Variants in SEC22A observed in about 807,000 individuals in gnomAD.
SEC22A encodes the protein vesicle-trafficking protein SEC22a.
Under a neutral mutation model 35.3 loss-of-function variants are expected in SEC22A, and 22 were observed. The observed-to-expected ratio is 0.62, with a 90% CI of 0.45 to 0.89. The LOEUF is 0.89. Among genes scored for constraint, SEC22A ranks in the 40% least tolerant of loss-of-function variants. The pLI, the probability that SEC22A is intolerant of heterozygous loss-of-function variation, is 0.00. For missense variants in SEC22A, 354 were observed against 362.5 expected, an observed-to-expected ratio of 0.98 and a Z score of 0.19; for synonymous variants, 119 against 129.5, an observed-to-expected ratio of 0.92 and a Z score of 0.55.
intron 6 of SEC22A, among the ~76,000 whole-genome samples, chr3:123,267,909 G>A (rs1938062262): frequency 6.6e-6 from 1 of 152,016 alleles, no homozygotes; most frequent in African/African-American, 2.4e-5. Context: ...GGCCTCTGTG[G>A]TTTCTGATGA....
At chr3:123,240,317 C>T (rs1309931426) in intron 4 of SEC22A, among the ~76,000 whole-genome samples, 1 of 152,196 alleles carries the variant, frequency 6.6e-6, no homozygotes, top group Non-Finnish European at 1.5e-5. Context: ...CAATTTCCAC[C>T]ATCCTCTAGA....
intron 4 of SEC22A, among the ~76,000 whole-genome samples, chr3:123,236,369 T>G (rs1937418941): frequency 6.6e-6 from 1 of 152,126 alleles, no homozygotes; most frequent in Admixed American, 6.6e-5. Context: ...TGATCTAATA[T>G]AGAATTTAAT....
intron 5 of SEC22A, among the ~76,000 whole-genome samples, chr3:123,252,036 A>G (rs1937620393): frequency 6.6e-6 from 1 of 152,230 alleles, no homozygotes; most frequent in Non-Finnish European, 1.5e-5. Flanking sequence ...TCAAGAGTGC[A>G]AACTAGAGTG....
At position 123,235,094 on chromosome 3, in the gene SEC22A, T is replaced by C. The variant is rs182191549; in HGVS notation, c.541+9797T>C. Among the ~76,000 whole-genome samples, 5 of 151,928 alleles carry C rather than the reference T, an allele frequency of 3.3e-5. No homozygotes were observed. The East Asian group carries it at 9.7e-4, about 30-fold the overall frequency. On this transcript the variant is annotated intron_variant, in intron 4 of 6. Coordinates refer to ENST00000492595, the MANE Select transcript of SEC22A (RefSeq NM_012430.5). ...CTTTTTTGGAGACAAGTTCTTACAA[T>C]GTTGCCCAGGCTGGTCTCGCACTCG...
At chr3:123,241,669 C>A (rs1302900984) in intron 4 of SEC22A, among the ~76,000 whole-genome samples, 1 of 152,162 alleles carries the variant, frequency 6.6e-6, no homozygotes. Context: ...AAGCTTTCAT[C>A]CTGTTTTTCT....
At chr3:123,262,349 A>G (rs1297984919) in intron 6 of SEC22A, among the ~76,000 whole-genome samples, 2 of 152,362 alleles carry the variant, frequency 1.3e-5, no homozygotes, top group South Asian at 2.1e-4. Flanking sequence ...AAAACTTGAA[A>G]CTTACAGAAA....
chr3:123,266,765 G>GGTGA (rs76910439), intron 6 of SEC22A, among the ~76,000 whole-genome samples: 44,694 of 151,802 alleles, frequency 0.29, 7,616 homozygotes, highest in African/African-American at 0.47. Flanking sequence ...GCTGTTATTG[G>GGTGA]GTGTGTTCTG....
intron 6 of SEC22A, among the ~76,000 whole-genome samples, chr3:123,263,778 A>G (rs1485497568): frequency 2.6e-5 from 4 of 152,154 alleles, no homozygotes; most frequent in Non-Finnish European, 2.9e-5. Context: ...TGCTGGGATT[A>G]CAGGCATAAG....
intron 4 of SEC22A, among the ~76,000 whole-genome samples, chr3:123,238,343 G>A (rs1217024250): frequency 2.6e-5 from 4 of 152,048 alleles, no homozygotes; most frequent in Non-Finnish European, 5.9e-5. Context: ...GGATACAGGT[G>A]CATGCCACCA....
At chr3:123,241,749 C>A (rs1937525053) in intron 4 of SEC22A, among the ~76,000 whole-genome samples, 1 of 152,070 alleles carries the variant, frequency 6.6e-6, no homozygotes, top group Non-Finnish European at 1.5e-5. Context: ...CAACCTCTTG[C>A]AATCTGAATT....
At chr3:123,203,953 G>A (rs560238338) in intron 1 of SEC22A, among the ~76,000 whole-genome samples, 1 of 152,270 alleles carries the variant, frequency 6.6e-6, no homozygotes, top group East Asian at 1.9e-4. Flanking sequence ...ACCCATAATA[G>A]GAATGTCGAA....
chr3:123,202,775 C>G (rs1456670038), intron 1 of SEC22A, among the ~76,000 whole-genome samples: 1 of 152,168 alleles, frequency 6.6e-6, no homozygotes, highest in African/African-American at 2.4e-5. Context: ...CAAGGCAAAG[C>G]CTAGCCCAGA....
intron 2 of SEC22A, 137 bp downstream of exon 2, chr3:123,209,536 A>T: frequency 3.0e-6 from 2 of 667,128 alleles, no homozygotes; most frequent in Non-Finnish European, 4.9e-6. Context: ...AACTTATACT[A>T]AATAGTCATC....
intron 4 of SEC22A, among the ~76,000 whole-genome samples, chr3:123,231,072 A>G (rs1031216646): frequency 6.6e-6 from 1 of 152,216 alleles, no homozygotes; most frequent in Non-Finnish European, 1.5e-5. Flanking sequence ...GAGGTAAAGC[A>G]TGACATTTTA....
intron 4 of SEC22A, among the ~76,000 whole-genome samples, chr3:123,230,281 A>T (rs1328167848): frequency 6.6e-6 from 1 of 152,240 alleles, no homozygotes; most frequent in Non-Finnish European, 1.5e-5. Context: ...AGCAAAAAGG[A>T]CATGGGTGGT....
At chr3:123,252,152 A>G (rs946570702) in intron 5 of SEC22A, among the ~76,000 whole-genome samples, 7 of 152,188 alleles carry the variant, frequency 4.6e-5, no homozygotes, top group Admixed American at 3.9e-4. Flanking sequence ...AAGTTTTATC[A>G]TTGTTCACAA....
At chr3:123,256,422 C>T (rs942664444) in intron 5 of SEC22A, among the ~76,000 whole-genome samples, 10 of 145,878 alleles carry the variant, frequency 6.9e-5, no homozygotes, top group South Asian at 4.4e-4. Context: ...GTCATTCAAA[C>T]GTTGCCTAAA....
At chr3:123,238,620 GTTTA>G (rs954903647) in intron 4 of SEC22A, among the ~76,000 whole-genome samples, 52 of 152,222 alleles carry the variant, frequency 3.4e-4, no homozygotes, top group African/African-American at 1.2e-3. Context: ...AAACTATTCA[GTTTA>G]TTTTAGAATC....
At chr3:123,249,001 C>A (rs1032320214) in intron 5 of SEC22A, among the ~76,000 whole-genome samples, 1 of 152,188 alleles carries the variant, frequency 6.6e-6, no homozygotes, top group Non-Finnish European at 1.5e-5. Flanking sequence ...GTTGCAAGTT[C>A]AGGTTGTCAC....
Sources: allele counts gnomAD v4.1 joint callset (sites outside exome capture counted in the v4.1 genomes callset), GRCh38; gene constraint gnomAD v4.1.1; transcripts MANE v1.5; gene names NCBI Gene and HGNC (gene_info 2026-07-23, HGNC 2026-07-21).